COPS7A: variants seen among roughly 807,000 people sequenced by gnomAD.
COPS7A encodes COP9 signalosome subunit 7A.
In COPS7A, 20 loss-of-function variants were observed where a neutral mutation model predicts 35.2. That is an observed-to-expected ratio of 0.57 (90% confidence interval 0.40 to 0.83). COPS7A has a LOEUF of 0.83. Ranked by LOEUF, COPS7A falls within the 40% of genes least tolerant of loss-of-function variation. The probability of loss-of-function intolerance (pLI) is 0.00; values close to 1 mark genes in which losing one functional copy is unlikely to be tolerated. For missense variants in COPS7A, 247 were observed against 347.5 expected, an observed-to-expected ratio of 0.71 and a Z score of 2.30; for synonymous variants, 139 against 141.4, an observed-to-expected ratio of 0.98 and a Z score of 0.12.
Position 6,729,189 on chromosome 12 carries a change from G to A in COPS7A, c.328-58G>A. 5 of 1,578,232 alleles carry A rather than the reference G, an allele frequency of 3.2e-6. No individual in the cohort carries two copies. The highest frequency in any genetic ancestry group is 4.4e-6 in the Non-Finnish European group (5 of 1,149,134). On this transcript the variant is annotated intron_variant, in intron 4 of 7. Coordinates refer to ENST00000543155, the MANE Select transcript of COPS7A (RefSeq NM_001164094.2). The surrounding 1 kb of genome is among the most constrained non-coding windows in gnomAD (Gnocchi z 4.2). ...AGGGGGAAAAGGAGGGAAGATTTTT[G>A]GAAGCCCTTCTCTACTACGGAGCGT...
chr12:6,728,464 C>G (rs1941311457), intron 4 of COPS7A, 153 bp downstream of exon 4: 2 of 541,218 alleles, frequency 3.7e-6, no homozygotes, highest in Non-Finnish European at 6.5e-6. Flanking sequence ...ACTGTTTAGG[C>G]TGATAGTATT....
rs372452666 is a variant in COPS7A at position 6,727,899 on chromosome 12, T to A, written c.163-27T>A. The A allele has an allele frequency of 6.1e-5, 99 of 1,612,306 alleles. No individual in the cohort carries two copies. In the African/African-American group the frequency reaches 1.1e-3, roughly 18 times the overall value. Reference sequence around the variant, plus strand: ...GAGGGTGGAGAGGGAAGACTTCCCGTCACCTCCTTTTTCCTCATTCTCGCA... The same window carrying A: ...GAGGGTGGAGAGGGAAGACTTCCCGACACCTCCTTTTTCCTCATTCTCGCA... On this transcript the variant is annotated intron_variant, in intron 2 of 7. Coordinates refer to ENST00000543155, the MANE Select transcript of COPS7A (RefSeq NM_001164094.2).
chr12:6,727,921 C>G lies in COPS7A; in HGVS notation c.163-5C>G. 1 of 1,614,034 alleles carries G rather than the reference C, an allele frequency of 6.2e-7. No homozygotes were observed. Among genetic ancestry groups the G allele is most frequent in the Non-Finnish European group, 8.5e-7 (1 of 1,179,958 alleles). ...CCGTCACCTCCTTTTTCCTCATTCTCGCAGCTGGCTGAGAGTGACTTTGCC... is the reference window on the plus strand; with the variant it reads ...CCGTCACCTCCTTTTTCCTCATTCTGGCAGCTGGCTGAGAGTGACTTTGCC... On this transcript the variant is annotated splice_region_variant and splice_polypyrimidine_tract_variant and intron_variant, in intron 2 of 7. Transcript: ENST00000543155.
At chr12:6,727,812 G>A in intron 2 of COPS7A, 114 bp from the exon 3 acceptor site, 2 of 895,768 alleles carry the variant, frequency 2.2e-6, no homozygotes, top group South Asian at 2.7e-5. Flanking sequence ...TGAGCCAGGA[G>A]AGTTAACATT....
Position 6,729,380 on chromosome 12 carries a change from T to A in COPS7A, c.461T>A (p.Val154Asp). The change falls in exon 5 of 8, where the codon GTT (valine) becomes GAT (aspartate). Residue 154 changes from valine to aspartate, a missense_variant. Coordinates refer to ENST00000543155, the MANE Select transcript of COPS7A (RefSeq NM_001164094.2). This position sits in a 1 kb window ranked among gnomAD's most constrained non-coding sequence, Gnocchi z 4.2. Reference protein sequence around the residue: ...SLDQRNQRLEVDYSIGRDIQR... With the variant: ...SLDQRNQRLEDDYSIGRDIQR... ...GACCAGCGCAACCAGCGGCTCGAGG[T>A]TGACTACAGCATCGGGCGGGACATC... The A allele has an allele frequency of 6.2e-7, 1 of 1,614,062 alleles. No homozygotes were observed. The highest frequency in any genetic ancestry group is 2.2e-5 in the East Asian group (1 of 44,868).
intron 4 of COPS7A, among the ~76,000 whole-genome samples, chr12:6,728,674 G>T (rs916084709): frequency 6.6e-6 from 1 of 152,140 alleles, no homozygotes; most frequent in Admixed American, 6.6e-5. Flanking sequence ...TATTCTAGAA[G>T]TATCTCTGTA....
At chr12:6,728,526 A>T (rs1251728008) in intron 4 of COPS7A, among the ~76,000 whole-genome samples, 1 of 152,184 alleles carries the variant, frequency 6.6e-6, no homozygotes, top group Non-Finnish European at 1.5e-5. Flanking sequence ...TTCTAAATAA[A>T]CATCTTCTGT....
intron 2 of COPS7A, chr12:6,725,953 G>A (rs2137746814): frequency 4.4e-6 from 2 of 454,748 alleles, no homozygotes; most frequent in South Asian, 3.1e-5. Context: ...CACTTTGGAA[G>A]GCCAAGGCAG....
intron 2 of COPS7A, 30 bp from the exon 3 acceptor site, chr12:6,727,896 C>T: frequency 6.2e-7 from 1 of 1,611,138 alleles, no homozygotes; most frequent in South Asian, 1.1e-5. Context: ...GGAAGACTTC[C>T]CGTCACCTCC....
chr12:6,726,659 TAAAGTA>T (rs1941264033), intron 2 of COPS7A, among the ~76,000 whole-genome samples: 1 of 147,282 alleles, frequency 6.8e-6, no homozygotes, highest in South Asian at 2.1e-4. Flanking sequence ...TCCCAGAACT[TAAAGTA>T]TAATTTAAAA....
Position 6,730,435 on chromosome 12 carries a change from T to C in COPS7A, c.564T>C (p.Ile188=), listed in dbSNP as rs769249472. ...CVGCEVVLSG[I]EEQVSRANQH... is the part of the protein sequence containing the mutation. ...GCTGTGAGGTCGTGCTGTCAGGCATTGAGGAGCAGGTGAGCCGTGCCAACC... is the reference window on the plus strand; with the variant it reads ...GCTGTGAGGTCGTGCTGTCAGGCATCGAGGAGCAGGTGAGCCGTGCCAACC... Residue 188 remains isoleucine, a synonymous_variant, in exon 6 of 8, where the codon ATT becomes ATC. Transcript: ENST00000543155. 1 of 1,614,030 alleles carries C rather than the reference T, an allele frequency of 6.2e-7. No individual in the cohort carries two copies. The highest frequency in any genetic ancestry group is 8.5e-7 in the Non-Finnish European group (1 of 1,180,010).
Position 6,729,117 on chromosome 12 carries a change from A to G in COPS7A, c.328-130A>G. 1 of 813,604 alleles carries G rather than the reference A, an allele frequency of 1.2e-6. No homozygotes were observed. The highest frequency in any genetic ancestry group is 2.5e-5 in the East Asian group (1 of 39,910). The allele number at this position is 813,604 out of a possible 1,614,324, so 50.4% of individuals were successfully genotyped here. The stretch of plus-strand genomic sequence containing the variant: ...TATTTTGCTTTAGAACCAGCCTCTT[A>G]GAGGAAGTGATTTAGGAATGGGAGT... On this transcript the variant is annotated intron_variant, in intron 4 of 7. Transcript: ENST00000543155. This position sits in a 1 kb window ranked among gnomAD's most constrained non-coding sequence, Gnocchi z 4.2.
chr12:6,727,413 G>T (rs1409227148), intron 2 of COPS7A, among the ~76,000 whole-genome samples: 1 of 151,978 alleles, frequency 6.6e-6, no homozygotes, highest in Non-Finnish European at 1.5e-5. Context: ...GACTGGGCTG[G>T]GTGATGCAAG....
chr12:6,726,158 C>T (rs968160854), intron 2 of COPS7A, among the ~76,000 whole-genome samples: 1 of 151,624 alleles, frequency 6.6e-6, no homozygotes, highest in African/African-American at 2.4e-5. Flanking sequence ...ACTAAAAATA[C>T]AAAAAATTAG....
At position 6,731,272 on chromosome 12, in the gene COPS7A, C is replaced by T. The variant is rs150306328; in HGVS notation, c.*233C>T. ...TGACTTCATGTGTTCCATTGCTCCC[C>T]GCTGCCATGCTCTCTCCCTTGTTTC... On this transcript the variant is annotated 3_prime_UTR_variant, in exon 8 of 8. Coordinates refer to ENST00000543155, the MANE Select transcript of COPS7A (RefSeq NM_001164094.2). 1.3e-3 allele frequency: 1,935 copies of T among 1,441,752 alleles called. 21 individuals are homozygous for T. In the East Asian group the frequency reaches 0.027, roughly 20 times the overall value. 89.3% of individuals were successfully genotyped at this position (1,441,752 alleles called of 1,614,324 possible). A position where few individuals can be genotyped will look rare whatever the true frequency, so the allele number is the denominator to read the frequency against.
chr12:6,725,302 G>A (rs1039684075), intron 2 of COPS7A, among the ~76,000 whole-genome samples: 2 of 151,870 alleles, frequency 1.3e-5, no homozygotes, highest in East Asian at 3.9e-4. Flanking sequence ...GACTACAGGC[G>A]CCCGCCACCA....
intron 2 of COPS7A, among the ~76,000 whole-genome samples, chr12:6,726,408 C>T (rs1252187148): frequency 1.3e-5 from 2 of 151,690 alleles, no homozygotes; most frequent in African/African-American, 4.8e-5. Flanking sequence ...TCAAGACCAG[C>T]CTGGCCAAGA....
rs755804954 is a variant in COPS7A, at chr12:6,730,954, C to T, written c.789-46C>T. 2.5e-6 allele frequency: 4 copies of T among 1,595,086 alleles called. No homozygotes were observed. In the East Asian group the frequency reaches 6.7e-5, roughly 27 times the overall value. On this transcript the variant is annotated intron_variant, in intron 7 of 7. Transcript: ENST00000543155. ...GGAGCCTCCAGGGGTTAGGGGATTC[C>T]CTGCATTCTCTCTCTCTCTCTCTTT...
chr12:6,725,808 T>G (rs143813207), intron 2 of COPS7A: 1 of 456,040 alleles, frequency 2.2e-6, no homozygotes, highest in Non-Finnish European at 4.4e-6. Context: ...TTTAACCTTT[T>G]GGATCACTCT....
Sources: allele counts gnomAD v4.1 joint callset (sites outside exome capture counted in the v4.1 genomes callset), GRCh38; gene constraint gnomAD v4.1.1; non-coding constraint Gnocchi (gnomAD v3.1); transcripts MANE v1.5; gene names NCBI Gene and HGNC (gene_info 2026-07-23, HGNC 2026-07-21).